UBE2L3: variants seen among roughly 807,000 people sequenced by gnomAD.
UBE2L3 encodes ubiquitin-conjugating enzyme E2 L3.
In UBE2L3, 1 loss-of-function variant was observed where a neutral mutation model predicts 17.8. The ratio of observed to expected loss-of-function variants is 0.06; its 90% CI spans 0.02 to 0.27. UBE2L3 has a LOEUF of 0.27. Among genes scored for constraint, UBE2L3 ranks in the 10% least tolerant of loss-of-function variants. The pLI is 1.00. For synonymous variants in UBE2L3, 44 were observed against 68.5 expected, an observed-to-expected ratio of 0.64 and a Z score of 1.76; for missense variants, 40 against 192.6, an observed-to-expected ratio of 0.21 and a Z score of 4.69.
At chr22:21,563,061 G>A (rs190134548), upstream of UBE2L3, among the ~76,000 whole-genome samples, 358 of 151,276 alleles carry the variant, frequency 2.4e-3, 1 homozygote, top group African/African-American at 8.3e-3. Flanking sequence ...GACCAACATG[G>A]TGAAACCCCG....
At chr22:21,578,945 T>C (rs1197427788) in intron 1 of UBE2L3, among the ~76,000 whole-genome samples, 1 of 151,852 alleles carries the variant, frequency 6.6e-6, no homozygotes, top group Non-Finnish European at 1.5e-5. Context: ...CATAAAGTTA[T>C]GATCATAGCT....
At chr22:21,571,591 G>C (rs1238223866) in intron 1 of UBE2L3, among the ~76,000 whole-genome samples, 1 of 152,110 alleles carries the variant, frequency 6.6e-6, no homozygotes, top group Non-Finnish European at 1.5e-5. Flanking sequence ...TATTAGAAAG[G>C]AGGTTTCACC....
intron 1 of UBE2L3, among the ~76,000 whole-genome samples, chr22:21,583,129 C>T (rs1224933477): frequency 6.6e-6 from 1 of 152,204 alleles, no homozygotes; most frequent in Non-Finnish European, 1.5e-5. Flanking sequence ...TTCCTTTCTG[C>T]TTCCCTAACG....
At chr22:21,567,630 C>A, upstream of UBE2L3, 1 of 1,539,612 alleles carries the variant, frequency 6.5e-7, no homozygotes, top group Non-Finnish European at 8.7e-7. Flanking sequence ...GTAGGTGCTC[C>A]GCTCTGCTCC....
chr22:21,578,805 C>T (rs946981640), intron 1 of UBE2L3, among the ~76,000 whole-genome samples: 2 of 151,978 alleles, frequency 1.3e-5, no homozygotes, highest in African/African-American at 4.8e-5. Context: ...AAGGAGTGTG[C>T]TGTAACCTCT....
chr22:21,609,792 G>A (rs1340532725), intron 2 of UBE2L3, among the ~76,000 whole-genome samples: 2 of 152,146 alleles, frequency 1.3e-5, no homozygotes, highest in Admixed American at 6.6e-5. Context: ...TTGGGAGGCC[G>A]AGGCAGGCAG....
rs186015207 is a variant in UBE2L3, at chr22:21,623,291, C to A, written c.*1622C>A. Reference sequence around the variant, plus strand: ...ACATTGTTCAGGCGCATGGCCCCTGCGGTGTGTACACGAACTCGGCTTCTT... The same window carrying A: ...ACATTGTTCAGGCGCATGGCCCCTGAGGTGTGTACACGAACTCGGCTTCTT... On this transcript the variant is annotated 3_prime_UTR_variant, in exon 4 of 4. Transcript: ENST00000342192. 6.6e-6 allele frequency: 1 copy of A among 152,578 alleles called. No individual in the cohort carries two copies. The highest frequency in any genetic ancestry group is 6.5e-5 in the Admixed American group (1 of 15,274). 9.5% of individuals were successfully genotyped at this position (152,578 alleles called of 1,614,324 possible).
chr22:21,587,671 A>G (rs984313019), intron 1 of UBE2L3, among the ~76,000 whole-genome samples: 2 of 152,290 alleles, frequency 1.3e-5, no homozygotes, highest in Admixed American at 6.5e-5. Context: ...CTGGCTATAT[A>G]CAGCAGTGTC....
In UBE2L3 at chr22:21,610,961, C is replaced by T. The variant is rs770072282; in HGVS notation, c.228C>T (p.His76=). 3.1e-6 allele frequency: 5 copies of T among 1,613,728 alleles called. No homozygotes were observed. The highest frequency in any genetic ancestry group is 4.2e-6 in the Non-Finnish European group (5 of 1,179,980). The change falls in exon 3 of 4, where the codon CAC becomes CAT. Residue 76 remains histidine (H), a synonymous_variant. Coordinates refer to ENST00000342192, the MANE Select transcript of UBE2L3 (RefSeq NM_003347.4). ...PKITFKTKIY[H]PNIDEKGQVC... The stretch of plus-strand genomic sequence containing the variant: ...TCACATTTAAAACAAAGATCTATCA[C>T]CCAAACATCGACGAAAAGGGGCAGG...
intron 2 of UBE2L3, among the ~76,000 whole-genome samples, chr22:21,600,720 A>G (rs1422532674): frequency 6.6e-6 from 1 of 152,064 alleles, no homozygotes; most frequent in East Asian, 1.9e-4. Context: ...ATTTGTTGCC[A>G]AAGAACTGTA....
At chr22:21,587,735 A>G (rs1343822960) in intron 1 of UBE2L3, among the ~76,000 whole-genome samples, 1 of 152,190 alleles carries the variant, frequency 6.6e-6, no homozygotes. Flanking sequence ...GCTGGGGCCC[A>G]GGGCCCATCT....
intron 1 of UBE2L3, among the ~76,000 whole-genome samples, chr22:21,587,324 G>A (rs970444615): frequency 7.9e-5 from 12 of 152,042 alleles, no homozygotes; most frequent in African/African-American, 1.9e-4. Flanking sequence ...CCGAGTAGCC[G>A]GGACTACAGG....
chr22:21,611,757 T>G (rs1601438738), intron 3 of UBE2L3, among the ~76,000 whole-genome samples: 1 of 152,228 alleles, frequency 6.6e-6, no homozygotes, highest in South Asian at 2.1e-4. Context: ...GTGTCTGGTT[T>G]TCATTTAATT....
At chr22:21,590,097 TAC>T (rs1407882406) in intron 1 of UBE2L3, among the ~76,000 whole-genome samples, 4 of 152,224 alleles carry the variant, frequency 2.6e-5, no homozygotes, top group Non-Finnish European at 5.9e-5. Context: ...TTGAGCAAGA[TAC>T]AGTTTTTCAC....
At chr22:21,567,469 T>G, upstream of UBE2L3, 1 of 566,286 alleles carries the variant, frequency 1.8e-6, no homozygotes. Context: ...GGTCAACTAT[T>G]TTATGCAATC....
At chr22:21,573,345 T>C (rs1049859652) in intron 1 of UBE2L3, among the ~76,000 whole-genome samples, 1 of 152,114 alleles carries the variant, frequency 6.6e-6, no homozygotes, top group South Asian at 2.1e-4. Context: ...AAAAACAGCA[T>C]GCTTTGCACA....
At chr22:21,567,656 G>A (rs1054583755), upstream of UBE2L3, 17 of 1,547,368 alleles carry the variant, frequency 1.1e-5, no homozygotes, top group African/African-American at 1.9e-4. Flanking sequence ...CCCGCCCCGC[G>A]GCCCCTCCCC....
chr22:21,585,699 G>T (rs142826017), intron 1 of UBE2L3, among the ~76,000 whole-genome samples: 1 of 152,286 alleles, frequency 6.6e-6, no homozygotes, highest in African/African-American at 2.4e-5. Context: ...TGTGGGGCTG[G>T]TGATAGGCAG....
chr22:21,565,373 TGAACCACCACACCCG>T (rs2148394967), upstream of UBE2L3, among the ~76,000 whole-genome samples: 1 of 151,834 alleles, frequency 6.6e-6, no homozygotes, highest in South Asian at 2.1e-4. Flanking sequence ...ATTACAGGTG[TGAACCACCACACCCG>T]GCCCCAGGAT....
Sources: allele counts gnomAD v4.1 joint callset (sites outside exome capture counted in the v4.1 genomes callset), GRCh38; gene constraint gnomAD v4.1.1; transcripts MANE v1.5; gene names NCBI Gene and HGNC (gene_info 2026-07-23, HGNC 2026-07-21).